The following PTPRD variants were observed in gnomAD, a reference collection of about 807,000 sequenced individuals.
The protein encoded by PTPRD is protein tyrosine phosphatase receptor type D.
Under a neutral mutation model 214.5 loss-of-function variants are expected in PTPRD, and 34 were observed. That is an observed-to-expected ratio of 0.16 (90% CI 0.12 to 0.21). PTPRD has a LOEUF of 0.21. PTPRD is among the 10% of genes least tolerant of loss of function. The pLI is 1.00. For missense variants in PTPRD, 2,545 were observed against 2,398.7 expected, an observed-to-expected ratio of 1.06 and a Z score of -1.27; for synonymous variants, 1,128 against 845.7, an observed-to-expected ratio of 1.33 and a Z score of -5.79.
chr9:10,579,633 G>A (rs1282716945), intron 2 of PTPRD, among the ~76,000 whole-genome samples: 1 of 152,176 alleles, frequency 6.6e-6, no homozygotes, highest in Non-Finnish European at 1.5e-5. Flanking sequence ...TATATACCCA[G>A]TAATGGGATT....
At chr9:8,368,432 G>C (rs1455977054) in intron 39 of PTPRD, among the ~76,000 whole-genome samples, 1 of 152,120 alleles carries the variant, frequency 6.6e-6, no homozygotes, top group African/African-American at 2.4e-5. Flanking sequence ...ATTGGTGATA[G>C]GTTCTCAGTT....
chr9:9,527,939 T>C (rs1395964359), intron 8 of PTPRD, among the ~76,000 whole-genome samples: 1 of 152,192 alleles, frequency 6.6e-6, no homozygotes, highest in Admixed American at 6.5e-5. Context: ...AAATAACGCT[T>C]TTCAGGCATT....
At chr9:8,563,692 C>A (rs2087503128) in intron 14 of PTPRD, among the ~76,000 whole-genome samples, 1 of 150,610 alleles carries the variant, frequency 6.6e-6, no homozygotes, top group South Asian at 2.1e-4. Flanking sequence ...GCCTTGGCCT[C>A]CCTCTGTCAC....
At chr9:9,624,775 T>C (rs2095365098) in intron 7 of PTPRD, among the ~76,000 whole-genome samples, 1 of 151,822 alleles carries the variant, frequency 6.6e-6, no homozygotes, top group African/African-American at 2.4e-5. Flanking sequence ...GTTCTCAGAG[T>C]TCTGGCCATG....
chr9:10,285,252 A>T (rs537148306), intron 3 of PTPRD, among the ~76,000 whole-genome samples: 1 of 149,368 alleles, frequency 6.7e-6, no homozygotes, highest in South Asian at 2.2e-4. Flanking sequence ...AAAACTTAGC[A>T]AAGAGACTAC....
chr9:10,070,637 T>C (rs1002350329), intron 3 of PTPRD, among the ~76,000 whole-genome samples: 1 of 152,058 alleles, frequency 6.6e-6, no homozygotes, highest in Non-Finnish European at 1.5e-5. Flanking sequence ...TGATTACATT[T>C]TAATTAATAA....
At chr9:8,549,787 G>C (rs1038704671) in intron 14 of PTPRD, among the ~76,000 whole-genome samples, 2 of 152,098 alleles carry the variant, frequency 1.3e-5, no homozygotes, top group African/African-American at 2.4e-5. Flanking sequence ...TCTAATGGTA[G>C]CTTAGGATAT....
At chr9:8,802,113 A>C (rs1171565596) in intron 11 of PTPRD, among the ~76,000 whole-genome samples, 1 of 152,144 alleles carries the variant, frequency 6.6e-6, no homozygotes, top group African/African-American at 2.4e-5. Flanking sequence ...ATACTCTTTA[A>C]ATGTAGGCTT....
At chr9:8,332,114 GGAACA>G (rs1842025622) in intron 43 of PTPRD, among the ~76,000 whole-genome samples, 1 of 137,472 alleles carries the variant, frequency 7.3e-6, no homozygotes, top group African/African-American at 3.1e-5. Flanking sequence ...CATATAAAAT[GGAACA>G]TATATATTCC....
chr9:9,571,700 A>G (rs1173035286), intron 8 of PTPRD, among the ~76,000 whole-genome samples: 1 of 151,082 alleles, frequency 6.6e-6, no homozygotes, highest in African/African-American at 2.4e-5. Flanking sequence ...CATGAAACTT[A>G]TAATGGGCAA....
At chr9:9,164,944 T>C (rs985299609) in intron 10 of PTPRD, among the ~76,000 whole-genome samples, 1 of 151,824 alleles carries the variant, frequency 6.6e-6, no homozygotes. Flanking sequence ...TCCCAGCTAC[T>C]TGGGAGGCTG....
intron 7 of PTPRD, among the ~76,000 whole-genome samples, chr9:9,613,247 T>A (rs2094637008): frequency 6.7e-6 from 1 of 149,312 alleles, no homozygotes; most frequent in African/African-American, 2.5e-5. Context: ...ACAATTTAAA[T>A]ATTAAAACTT....
intron 10 of PTPRD, among the ~76,000 whole-genome samples, chr9:9,127,026 G>A (rs1037472902): frequency 6.7e-6 from 1 of 150,366 alleles, no homozygotes; most frequent in African/African-American, 2.5e-5. Context: ...ACACACTCAG[G>A]CTGGGACCAT....
chr9:8,911,716 A>ATTCT (rs2098749819), intron 11 of PTPRD, among the ~76,000 whole-genome samples: 2 of 152,146 alleles, frequency 1.3e-5, no homozygotes, highest in Admixed American at 6.5e-5. Flanking sequence ...AAAGGGTGGC[A>ATTCT]TTAAGAAAGT....
chr9:10,186,086 T>C (rs2099328958), intron 3 of PTPRD, among the ~76,000 whole-genome samples: 1 of 121,756 alleles, frequency 8.2e-6, no homozygotes, highest in Non-Finnish European at 1.6e-5. Context: ...AAATAAACAA[T>C]ATTTTTTTTT....
chr9:10,430,444 G>A (rs990048642), intron 2 of PTPRD, among the ~76,000 whole-genome samples: 6 of 151,788 alleles, frequency 4.0e-5, no homozygotes, highest in African/African-American at 7.2e-5. Context: ...ACGTATGTAT[G>A]TATATAATGA....
At chr9:10,255,538 C>A (rs2475328) in intron 3 of PTPRD, among the ~76,000 whole-genome samples, 23,926 of 151,920 alleles carry the variant, frequency 0.16, 1,997 homozygotes, top group African/African-American at 0.2. Context: ...GTGAGAGGTG[C>A]GCGAATATAA....
At chr9:8,716,740 C>G (rs2098440786) in intron 12 of PTPRD, among the ~76,000 whole-genome samples, 2 of 150,848 alleles carry the variant, frequency 1.3e-5, no homozygotes, top group Non-Finnish European at 2.9e-5. Flanking sequence ...TGGCTTCCCT[C>G]ATGAGATACA....
intron 2 of PTPRD, among the ~76,000 whole-genome samples, chr9:10,415,862 G>A (rs1200233541): frequency 6.6e-6 from 1 of 151,732 alleles, no homozygotes; most frequent in Non-Finnish European, 1.5e-5. Context: ...AGACAATGAT[G>A]GAGACAATGC....
Sources: allele counts gnomAD v4.1 joint callset (sites outside exome capture counted in the v4.1 genomes callset), GRCh38; gene constraint gnomAD v4.1.1; transcripts MANE v1.5; gene names NCBI Gene and HGNC (gene_info 2026-07-23, HGNC 2026-07-21).